Variants in FCER1A observed in about 807,000 individuals in gnomAD.
The protein encoded by FCER1A is high affinity immunoglobulin epsilon receptor subunit alpha.
A neutral mutation model predicts 23.6 loss-of-function variants in FCER1A; 24 were observed. That is an observed-to-expected ratio of 1.02 (90% confidence interval 0.74 to 1.43). The LOEUF is 1.43. FCER1A is among the 40% of genes most tolerant of loss of function. The pLI is 0.00. For synonymous variants in FCER1A, 121 were observed against 108.8 expected (o/e 1.11, Z -0.70); for missense variants, 318 against 294.5 (o/e 1.08, Z -0.58).
At chr1:159,289,765 G>T (rs1357316047) in intron 1 of FCER1A, 2 of 151,998 alleles carry the variant, frequency 1.3e-5, no homozygotes, top group Non-Finnish European at 2.9e-5. Flanking sequence ...TAAGTTTATG[G>T]CTCCAGTGGC....
chr1:159,288,853 A>G (rs1169998848), upstream of FCER1A, among the ~76,000 whole-genome samples: 2 of 152,186 alleles, frequency 1.3e-5, no homozygotes, highest in African/African-American at 4.8e-5. Flanking sequence ...GAGCCTCACA[A>G]TTTAGTACTG....
chr1:159,284,169 G>A, the FCER1A span, among the ~76,000 whole-genome samples: 1 of 152,130 alleles, frequency 6.6e-6, no homozygotes, highest in Admixed American at 6.6e-5. Context: ...AAAGGTTATA[G>A]GGGCCGGGAC....
Position 159,305,168 on chromosome 1 carries a change from A to G in FCER1A, c.332-820A>G, listed in dbSNP as rs1035228312. On this transcript the variant is annotated intron_variant, in intron 3 of 4. Transcript: ENST00000693622. ...CATATGTAAATTCCAAACACAAACT[A>G]AAGCAATGTAGAATAGCTTCTTTAT... Among the ~76,000 whole-genome samples, 4 of 152,376 alleles carry G rather than the reference A, an allele frequency of 2.6e-5. No homozygotes were observed. In the South Asian group the frequency reaches 6.2e-4, roughly 24 times the overall value.
chr1:159,300,521 A>G (rs1652403900), upstream of FCER1A, among the ~76,000 whole-genome samples: 1 of 152,058 alleles, frequency 6.6e-6, no homozygotes, highest in Admixed American at 6.5e-5. Context: ...ATCCTATCCA[A>G]CAACTTTCTG....
intron 1 of FCER1A, 148 bp from the exon 2 acceptor site, chr1:159,302,706 C>G (rs1652471265): frequency 3.9e-6 from 3 of 769,172 alleles, no homozygotes; most frequent in Non-Finnish European, 6.8e-6. Context: ...GAGAAAGAAG[C>G]TCTTTCTTCC....
intron 1 of FCER1A, among the ~76,000 whole-genome samples, chr1:159,293,805 T>G (rs12134820): frequency 0.036 from 5,497 of 152,136 alleles, 110 homozygotes; most frequent in Middle Eastern, 0.092. Flanking sequence ...GTTGGACATT[T>G]GCAACCTACT....
intron 1 of FCER1A, among the ~76,000 whole-genome samples, chr1:159,291,559 T>C (rs554445381): frequency 1.3e-5 from 2 of 152,310 alleles, no homozygotes; most frequent in East Asian, 1.9e-4. Flanking sequence ...TTAAATTGAA[T>C]GAGTGAAAGC....
chr1:159,308,138 A>G lies in FCER1A; in HGVS notation c.*206A>G. 2 of 437,212 alleles carry G rather than the reference A, an allele frequency of 4.6e-6. No individual in the cohort carries two copies. Among genetic ancestry groups the G allele is most frequent in the African/African-American group, 3.9e-5 (2 of 50,660 alleles). The allele number at this position is 437,212 out of a possible 1,614,324, so 27.1% of individuals were successfully genotyped here. ...CATTGGTTGAATAAATGAGAGAATG[A>G]ATAGATTCATTTATTAGCATTTGTA... On this transcript the variant is annotated 3_prime_UTR_variant, in exon 5 of 5. Transcript: ENST00000693622.
chr1:159,301,119 A>C (rs1447715333), upstream of FCER1A, among the ~76,000 whole-genome samples: 1 of 152,180 alleles, frequency 6.6e-6, no homozygotes, highest in Admixed American at 6.5e-5. Flanking sequence ...AATAGACTTA[A>C]TTCAGCAGTC....
At chr1:159,295,712 G>A (rs543919060) in intron 1 of FCER1A, among the ~76,000 whole-genome samples, 1 of 152,274 alleles carries the variant, frequency 6.6e-6, no homozygotes, top group East Asian at 1.9e-4. Flanking sequence ...AATATCACTG[G>A]AAACTGCGGA....
At chr1:159,300,587 A>G (rs1162554134), upstream of FCER1A, among the ~76,000 whole-genome samples, 1 of 152,138 alleles carries the variant, frequency 6.6e-6, no homozygotes, top group Non-Finnish European at 1.5e-5. Context: ...GAGGATTGAG[A>G]TTGCGTAGAT....
chr1:159,306,143 A>G lies in FCER1A; in HGVS notation c.487A>G (p.Ile163Val), dbSNP rs1182580419. 5.0e-6 allele frequency: 8 copies of G among 1,614,092 alleles called. No homozygotes were observed. Among genetic ancestry groups the G allele is most frequent in the Admixed American group, 1.7e-5 (1 of 60,002 alleles). ...KYWYENHNIS[I>V]TNATVEDSGT... ...CTGGTATGAGAACCACAACATCTCC[A>G]TTACAAATGCCACAGTTGAAGACAG... The change falls in exon 4 of 5, where the codon ATT becomes GTT. Residue 163 changes from isoleucine to valine, a missense_variant. By Grantham distance (29) the Ile-to-Val change is conservative. Transcript: ENST00000693622.
chr1:159,298,528 A>G (rs772685125), upstream of FCER1A, among the ~76,000 whole-genome samples: 12 of 152,200 alleles, frequency 7.9e-5, 2 homozygotes, highest in Admixed American at 6.5e-4. Context: ...TCAAGACAAG[A>G]AGTAAAAAAT....
chr1:159,300,214 C>G (rs1009271386), upstream of FCER1A, among the ~76,000 whole-genome samples: 2 of 152,268 alleles, frequency 1.3e-5, no homozygotes, highest in African/African-American at 2.4e-5. Context: ...AATAGTACCT[C>G]TCGATGAGCC....
At chr1:159,307,306 G>C (rs1652644437) in intron 4 of FCER1A, among the ~76,000 whole-genome samples, 1 of 152,166 alleles carries the variant, frequency 6.6e-6, no homozygotes, top group Admixed American at 6.5e-5. Context: ...CAAAATAATA[G>C]AATTGGAAGG....
upstream of FCER1A, among the ~76,000 whole-genome samples, chr1:159,298,208 T>C (rs1044624484): frequency 6.6e-6 from 1 of 152,186 alleles, no homozygotes; most frequent in African/African-American, 2.4e-5. Context: ...GCTTGATATC[T>C]AGATGCCCAC....
upstream of FCER1A, among the ~76,000 whole-genome samples, chr1:159,301,734 A>C (rs1240017114): frequency 6.6e-6 from 1 of 152,216 alleles, no homozygotes; most frequent in Non-Finnish European, 1.5e-5. Flanking sequence ...GGCAGTTGCT[A>C]GCCATGCTCC....
chr1:159,307,676 T>C, intron 4 of FCER1A, 72 bp from the exon 5 acceptor site: 1 of 1,164,270 alleles, frequency 8.6e-7, no homozygotes, highest in Non-Finnish European at 1.2e-6. Context: ...TTAGGGAGGA[T>C]GAAACTCTGA....
In FCER1A at chr1:159,303,984, G is replaced by A. The variant is rs140395419; in HGVS notation, c.133G>A (p.Glu45Lys). The change falls in exon 3 of 5, where the codon GAG becomes AAG. Residue 45 changes from glutamate (E) to lysine (K), a missense_variant. Transcript: ENST00000693622. ...NPPWNRIFKG[E>K]NVTLTCNGNN... ...TCCATGGAATAGAATATTTAAAGGA[G>A]AGAATGTGACTCTTACATGTAATGG... The A allele has an allele frequency of 9.9e-6, 16 of 1,612,974 alleles. No homozygotes were observed. In the South Asian group the frequency reaches 1.6e-4, roughly 17 times the overall value.
Sources: allele counts gnomAD v4.1 joint callset (sites outside exome capture counted in the v4.1 genomes callset), GRCh38; gene constraint gnomAD v4.1.1; transcripts MANE v1.5; gene names NCBI Gene and HGNC (gene_info 2026-07-23, HGNC 2026-07-21).